Variants in GOLGA3 observed in about 807,000 individuals in gnomAD.
The protein encoded by GOLGA3 is golgin A3.
GOLGA3 carries 75 observed loss-of-function variants against 169.4 expected under a neutral mutation model. That is an observed-to-expected ratio of 0.44 (90% CI 0.37 to 0.54). The LOEUF (loss-of-function observed/expected upper bound fraction) is 0.54. GOLGA3 is among the 20% of genes least tolerant of loss of function. GOLGA3 has a pLI of 0.00. For synonymous variants in GOLGA3, 824 were observed against 822.4 expected (o/e 1.00, Z -0.03); for missense variants, 1,899 against 1,930.0 (o/e 0.98, Z 0.30).
At position 132,777,527 on chromosome 12, in the gene GOLGA3, C is replaced by G; in HGVS notation, c.3722+139G>C. ...GGATTCTGGAGACGGAGGCTGGGTG[C>G]CTTCTACTCCTATGATTCACTCAAG... On this transcript the variant is annotated intron_variant, in intron 19 of 23. Coordinates refer to ENST00000450791, the MANE Select transcript of GOLGA3 (RefSeq NM_001389683.1). The surrounding 1 kb of genome is among the most constrained non-coding windows in gnomAD (Gnocchi z 4.7). 1.2e-6 allele frequency: 1 copy of G among 865,010 alleles called. No homozygotes were observed. The highest frequency in any genetic ancestry group is 1.8e-6 in the Non-Finnish European group (1 of 565,214). The allele number at this position is 865,010 out of a possible 1,614,324, so 53.6% of individuals were successfully genotyped here.
At chr12:132,774,500 C>G in intron 22 of GOLGA3, 180 bp from the exon 23 acceptor site, 1 of 636,302 alleles carries the variant, frequency 1.6e-6, no homozygotes, top group South Asian at 1.9e-5. Flanking sequence ...GAATAGCTGG[C>G]TGAGGAAACA....
chr12:132,811,279 G>A, intron 4 of GOLGA3, among the ~76,000 whole-genome samples: 1 of 152,182 alleles, frequency 6.6e-6, no homozygotes, highest in East Asian at 1.9e-4. Context: ...CACACAGGGA[G>A]AAAACCCACT....
rs1333722909 is a variant in GOLGA3, at chr12:132,808,543, G to A, written c.526C>T (p.Gln176Ter). Residue 176 changes from glutamine to a stop codon, truncating the protein, a stop_gained, in exon 5 of 24, where the codon CAA becomes TAA. Coordinates refer to ENST00000450791, the MANE Select transcript of GOLGA3 (RefSeq NM_001389683.1). LOFTEE classifies it high-confidence loss of function. ...RVKRQQERSS[Q>*]PATKTRLFST... ...AAAAGTCTCGTTTTGGTTGCAGGTT[G>A]ACTGGACTGAGAAGAAAACAAAAGT... is the stretch of plus-strand genomic sequence containing the variant. 2 of 1,585,150 alleles carry A rather than the reference G, an allele frequency of 1.3e-6. No homozygotes were observed.
At chr12:132,816,099 G>A (rs924363433) in intron 3 of GOLGA3, among the ~76,000 whole-genome samples, 6 of 152,280 alleles carry the variant, frequency 3.9e-5, no homozygotes, top group Admixed American at 2.0e-4. Flanking sequence ...TCGGGAGGCC[G>A]AGGCAGGTGA....
chr12:132,823,787 T>C (rs1035546244), intron 1 of GOLGA3, among the ~76,000 whole-genome samples: 24 of 129,866 alleles, frequency 1.8e-4, no homozygotes, highest in African/African-American at 7.3e-4. Context: ...AAACTCCGTC[T>C]AAAAAAAAAA....
intron 3 of GOLGA3, among the ~76,000 whole-genome samples, chr12:132,814,216 G>A (rs1230526079): frequency 4.6e-5 from 7 of 151,624 alleles, no homozygotes; most frequent in Non-Finnish European, 1.0e-4. Flanking sequence ...TAGAGACAGG[G>A]TTTCTCCATG....
chr12:132,800,582 T>C (rs1186338244), intron 8 of GOLGA3, among the ~76,000 whole-genome samples: 1 of 152,210 alleles, frequency 6.6e-6, no homozygotes, highest in East Asian at 1.9e-4. Flanking sequence ...TTGGTGGAAT[T>C]AGTATTTCAC....
intron 12 of GOLGA3, among the ~76,000 whole-genome samples, chr12:132,790,658 G>A (rs950517969): frequency 1.1e-4 from 16 of 152,078 alleles, no homozygotes; most frequent in Admixed American, 3.9e-4. Flanking sequence ...GCTGACAGGC[G>A]CTCCAGTGAC....
Position 132,775,183 on chromosome 12 carries a change from G to A in GOLGA3, c.4101C>T (p.Asn1367=), listed in dbSNP as rs1448910832. The A allele has an allele frequency of 1.2e-6, 2 of 1,614,126 alleles. No individual in the cohort carries two copies. Among genetic ancestry groups the A allele is most frequent in the African/African-American group, 2.7e-5 (2 of 75,068 alleles). Residue 1367 remains asparagine, a synonymous_variant, in exon 22 of 24, where the codon AAC becomes AAT. Transcript: ENST00000450791. ...KNNMKTLLQQ[N]QQLKLDLRRG... ...GGCGTAGGTCCAGCTTGAGCTGCTG[G>A]TTCTGCTGGAGCAGGGTCTTCATGT...
At chr12:132,796,368 GC>G in intron 10 of GOLGA3, 148 bp from the exon 11 acceptor site, 1 of 1,210,188 alleles carries the variant, frequency 8.3e-7, no homozygotes, top group Admixed American at 2.7e-5. Context: ...AACCAGCAGG[GC>G]AAACACAGGG....
rs767385549 is a variant in GOLGA3 at position 132,784,217 on chromosome 12, T to G, written c.3214A>C (p.Thr1072Pro). The stretch of plus-strand genomic sequence containing the variant: ...CGGGACTCCTCCAGCTCCTGGCTGG[T>G]CAGCGCTATGACCTCCTGCAGTTCC... Reference protein sequence around the residue: ...EKELQEVIALTSQELEESREK... With the variant: ...EKELQEVIALPSQELEESREK... The change falls in exon 16 of 24, where the codon ACC becomes CCC. Residue 1072 changes from threonine (T) to proline (P), a missense_variant. Thr to Pro is a conservative substitution (Grantham distance 38). Transcript: ENST00000450791. 5.0e-6 allele frequency: 8 copies of G among 1,610,962 alleles called. No individual in the cohort carries two copies. The highest frequency in any genetic ancestry group is 3.4e-6 in the Non-Finnish European group (4 of 1,179,982).
chr12:132,811,522 G>A (rs1949707300), intron 4 of GOLGA3, among the ~76,000 whole-genome samples: 2 of 151,474 alleles, frequency 1.3e-5, no homozygotes, highest in Non-Finnish European at 2.9e-5. Flanking sequence ...GTGCAGTGGT[G>A]CAATCTTGGC....
At chr12:132,780,356 C>T (rs2045528655) in intron 18 of GOLGA3, among the ~76,000 whole-genome samples, 1 of 152,182 alleles carries the variant, frequency 6.6e-6, no homozygotes, top group Admixed American at 6.5e-5. Flanking sequence ...TCAGGATGGG[C>T]CTCTGCTGGC....
At position 132,777,153 on chromosome 12, in the gene GOLGA3, G is replaced by T; in HGVS notation, c.3723-63C>A. 6.7e-7 allele frequency: 1 copy of T among 1,499,448 alleles called. No individual in the cohort carries two copies. The highest frequency in any genetic ancestry group is 9.0e-7 in the Non-Finnish European group (1 of 1,116,828). The allele number at this position is 1,499,448 out of a possible 1,614,324, so 92.9% of individuals were successfully genotyped here. On this transcript the variant is annotated intron_variant, in intron 19 of 23. Coordinates refer to ENST00000450791, the MANE Select transcript of GOLGA3 (RefSeq NM_001389683.1). This position sits in a 1 kb window ranked among gnomAD's most constrained non-coding sequence, Gnocchi z 4.7. ...CTCCTCCAGTGTGCTGTGCCCTCCC[G>T]CTGGGAAATGCTGCCTGTGGAAGGC...
intron 11 of GOLGA3, 83 bp downstream of exon 11, chr12:132,795,766 AAAG>A (rs1948796971): frequency 2.2e-5 from 30 of 1,387,294 alleles, no homozygotes; most frequent in African/African-American, 2.9e-5. Flanking sequence ...TTCAAAAAAA[AAAG>A]AAAGAAAGAA....
chr12:132,820,839 C>T (rs1334064418), intron 2 of GOLGA3, among the ~76,000 whole-genome samples: 1 of 152,146 alleles, frequency 6.6e-6, no homozygotes, highest in Non-Finnish European at 1.5e-5. Flanking sequence ...GTGGCTCACT[C>T]CTGTAATCCC....
rs752746381 is a variant in GOLGA3, at chr12:132,782,508, T to C, written c.3268-15A>G. Reference sequence around the variant, plus strand: ...GATTCTTGAAGCTGAAACATACCAATGTCACTGTAAAATTACCTGCACTGG... The same window carrying C: ...GATTCTTGAAGCTGAAACATACCAACGTCACTGTAAAATTACCTGCACTGG... On this transcript the variant is annotated splice_polypyrimidine_tract_variant and intron_variant, in intron 16 of 23. Coordinates refer to ENST00000450791, the MANE Select transcript of GOLGA3 (RefSeq NM_001389683.1). 1.2e-6 allele frequency: 2 copies of C among 1,601,930 alleles called. No homozygotes were observed. The highest frequency in any genetic ancestry group is 1.7e-5 in the Admixed American group (1 of 60,002).
chr12:132,829,075 C>G (rs1324518117), upstream of GOLGA3, among the ~76,000 whole-genome samples: 1 of 152,260 alleles, frequency 6.6e-6, no homozygotes, highest in Non-Finnish European at 1.5e-5. Context: ...GCGGACCTTT[C>G]CCTAGTAGAA....
rs1031240293 is a variant in GOLGA3, at chr12:132,786,852, C to T, written c.2812-65G>A. On this transcript the variant is annotated intron_variant, in intron 13 of 23. Coordinates refer to ENST00000450791, the MANE Select transcript of GOLGA3 (RefSeq NM_001389683.1). ...CCCCCAGCCTGTCTCCCCTTCCTGG[C>T]TCCAGCCCATCACCCCCACCAAAGG... 4.4e-6 allele frequency: 5 copies of T among 1,142,564 alleles called. No individual in the cohort carries two copies. In the African/African-American group the frequency reaches 6.0e-5, roughly 14 times the overall value. The allele number at this position is 1,142,564 out of a possible 1,614,324, so 70.8% of individuals were successfully genotyped here. A position where few individuals can be genotyped will look rare whatever the true frequency, so the allele number is the denominator to read the frequency against.
Sources: allele counts gnomAD v4.1 joint callset (sites outside exome capture counted in the v4.1 genomes callset), GRCh38; gene constraint gnomAD v4.1.1; non-coding constraint Gnocchi (gnomAD v3.1); transcripts MANE v1.5; gene names NCBI Gene and HGNC (gene_info 2026-07-23, HGNC 2026-07-21).